Variants in SPPL3 observed in about 807,000 individuals in gnomAD.
SPPL3 encodes the protein signal peptide peptidase-like 3.
Under a neutral mutation model 42.4 loss-of-function variants are expected in SPPL3, and 5 were observed. The ratio of observed to expected loss-of-function variants is 0.12; its 90% confidence interval spans 0.06 to 0.25. The LOEUF (loss-of-function observed/expected upper bound fraction) is 0.25. SPPL3 is among the 10% of genes least tolerant of loss of function. The pLI is 1.00. For missense variants in SPPL3, 235 were observed against 489.0 expected (o/e 0.48, Z 4.90); for synonymous variants, 195 against 181.8 (o/e 1.07, Z -0.58).
chr12:120,855,541 G>T lies in SPPL3; in HGVS notation c.24-44655C>A, dbSNP rs534156201. Among the ~76,000 whole-genome samples the T allele has an allele frequency of 2.0e-5, 3 of 152,046 alleles. No individual in the cohort carries two copies. In the South Asian group the frequency reaches 6.2e-4, roughly 32 times the overall value. On this transcript the variant is annotated intron_variant, in intron 1 of 10. Coordinates refer to ENST00000353487, the MANE Select transcript of SPPL3 (RefSeq NM_139015.5). ...CGTATCTACTAAAATACAAAAACTG[G>T]CCAGGCATGACGGCAGTTGCCTGTA...
rs1178529738 is a variant in SPPL3 at position 120,768,808 on chromosome 12, C to G, written c.609+145G>C. Reference sequence around the variant, plus strand: ...GCAAACAAAAGGATCGGACTGCACACCCATGATACAGTTAAGGACTGGAGA... The same window carrying G: ...GCAAACAAAAGGATCGGACTGCACAGCCATGATACAGTTAAGGACTGGAGA... On this transcript the variant is annotated intron_variant, in intron 7 of 10. Transcript: ENST00000353487. 5 of 705,184 alleles carry G rather than the reference C, an allele frequency of 7.1e-6. No homozygotes were observed. In the East Asian group the frequency reaches 1.4e-4, roughly 19 times the overall value. 43.7% of individuals were successfully genotyped at this position (705,184 alleles called of 1,614,324 possible).
At chr12:120,840,355 A>T (rs1359661546) in intron 1 of SPPL3, among the ~76,000 whole-genome samples, 1 of 151,860 alleles carries the variant, frequency 6.6e-6, no homozygotes, top group African/African-American at 2.4e-5. Context: ...AAAACATGAA[A>T]GCTAAGTGAA....
intron 1 of SPPL3, among the ~76,000 whole-genome samples, chr12:120,841,757 G>C (rs774476307): frequency 2.0e-5 from 3 of 152,204 alleles, no homozygotes; most frequent in Non-Finnish European, 4.4e-5. Flanking sequence ...CAGTTTCTGA[G>C]TTTGGAAAGT....
At chr12:120,782,432 C>T (rs949651708) in intron 6 of SPPL3, among the ~76,000 whole-genome samples, 5 of 152,080 alleles carry the variant, frequency 3.3e-5, no homozygotes, top group Non-Finnish European at 7.4e-5. Context: ...TGGAAAATGT[C>T]CAGAATGGAG....
chr12:120,842,608 G>T (rs1257123299), intron 1 of SPPL3, among the ~76,000 whole-genome samples: 2 of 151,970 alleles, frequency 1.3e-5, no homozygotes, highest in Non-Finnish European at 2.9e-5. Context: ...TCTGTCTGGT[G>T]AGGACTCACT....
At position 120,764,714 on chromosome 12, in the gene SPPL3, G is replaced by A. The variant is rs1457543207; in HGVS notation, c.*285C>T. 4.8e-6 allele frequency: 2 copies of A among 413,076 alleles called. No individual in the cohort carries two copies. Among genetic ancestry groups the A allele is most frequent in the Admixed American group, 4.3e-5 (1 of 23,382 alleles). 25.6% of individuals were successfully genotyped at this position (413,076 alleles called of 1,614,324 possible). On this transcript the variant is annotated 3_prime_UTR_variant, in exon 11 of 11. Coordinates refer to ENST00000353487, the MANE Select transcript of SPPL3 (RefSeq NM_139015.5). ...TCTCCATCTCCCCCAGAAGGTAACA[G>A]TCTGGTGCAGATCCATAAAAACGTG...
intron 1 of SPPL3, among the ~76,000 whole-genome samples, chr12:120,869,264 A>T (rs1566065415): frequency 6.6e-6 from 1 of 152,254 alleles, no homozygotes; most frequent in Non-Finnish European, 1.5e-5. Context: ...TAGGTGATGC[A>T]TTCTACCAAA....
At chr12:120,887,603 GAAAT>G (rs1295481212) in intron 1 of SPPL3, among the ~76,000 whole-genome samples, 1 of 152,176 alleles carries the variant, frequency 6.6e-6, no homozygotes, top group Non-Finnish European at 1.5e-5. Flanking sequence ...GCACGCAAAA[GAAAT>G]AAGAAGTAGC....
intron 2 of SPPL3, among the ~76,000 whole-genome samples, chr12:120,793,515 T>G (rs1024613671): frequency 6.6e-6 from 1 of 152,100 alleles, no homozygotes; most frequent in African/African-American, 2.4e-5. Flanking sequence ...GAGAAACCAC[T>G]TCACACATAG....
chr12:120,784,393 A>G, intron 4 of SPPL3, 81 bp downstream of exon 4: 1 of 1,408,266 alleles, frequency 7.1e-7, no homozygotes. Context: ...ATGGTATATA[A>G]ATCTTAATTT....
At chr12:120,767,330 T>A in intron 9 of SPPL3, 64 bp downstream of exon 9, 3 of 1,543,332 alleles carry the variant, frequency 1.9e-6, no homozygotes, top group Non-Finnish European at 2.7e-6. Flanking sequence ...AAGACCTGAT[T>A]TAATTCCAAA....
chr12:120,888,832 C>T (rs941948860), intron 1 of SPPL3, among the ~76,000 whole-genome samples: 11 of 151,852 alleles, frequency 7.2e-5, no homozygotes, highest in South Asian at 4.1e-4. Context: ...TTTTTGAGAC[C>T]GGGTCTTGCT....
intron 6 of SPPL3, among the ~76,000 whole-genome samples, chr12:120,780,201 G>T (rs556195689): frequency 1.1e-4 from 16 of 150,726 alleles, no homozygotes; most frequent in African/African-American, 3.9e-4. Flanking sequence ...AGTGCTGGGA[G>T]CCAATGCACT....
chr12:120,848,067 G>A (rs547292308), intron 1 of SPPL3, among the ~76,000 whole-genome samples: 142 of 152,274 alleles, frequency 9.3e-4, no homozygotes, highest in African/African-American at 3.3e-3. Flanking sequence ...ATAAGGTGGT[G>A]GTGGTGCATG....
intron 2 of SPPL3, among the ~76,000 whole-genome samples, chr12:120,810,384 T>G (rs1263636571): frequency 2.2e-5 from 3 of 139,000 alleles, no homozygotes; most frequent in Non-Finnish European, 4.5e-5. Context: ...CATTTTTGGT[T>G]AGAAAAAAAA....
At chr12:120,903,512 G>T in intron 1 of SPPL3, 1 of 353,846 alleles carries the variant, frequency 2.8e-6, no homozygotes, top group Non-Finnish European at 5.3e-6. Context: ...AGTCAGTTCC[G>T]GGGTGCCTGT....
At chr12:120,851,673 G>A (rs1049098836) in intron 1 of SPPL3, among the ~76,000 whole-genome samples, 3 of 152,016 alleles carry the variant, frequency 2.0e-5, no homozygotes, top group African/African-American at 2.4e-5. Context: ...GCGCAAACAC[G>A]ACTGACTGGA....
chr12:120,785,712 T>C (rs1869697968), intron 3 of SPPL3, among the ~76,000 whole-genome samples: 1 of 151,816 alleles, frequency 6.6e-6, no homozygotes, highest in Non-Finnish European at 1.5e-5. Context: ...GGCTCATGCC[T>C]GTAATCCCAG....
chr12:120,792,734 A>C (rs1592965000), intron 2 of SPPL3, among the ~76,000 whole-genome samples: 1 of 151,634 alleles, frequency 6.6e-6, no homozygotes, highest in East Asian at 1.9e-4. Flanking sequence ...TTTTTTTGCA[A>C]AAGAACTTTC....
Sources: gnomAD v4.1 joint callset for allele counts (sites outside exome capture counted in the v4.1 genomes callset) on GRCh38, gnomAD v4.1.1 for gene constraint, MANE v1.5 for transcripts, NCBI Gene and HGNC (gene_info 2026-07-23, HGNC 2026-07-21) for gene names.